Variants in PCGF6 observed in about 807,000 individuals in gnomAD.
PCGF6 encodes polycomb group RING finger protein 6.
A neutral mutation model predicts 45.5 loss-of-function variants in PCGF6; 24 were observed. The observed-to-expected ratio is 0.53, with a 90% CI of 0.38 to 0.74. The LOEUF is 0.74. PCGF6 is among the 30% of genes least tolerant of loss of function. The pLI is 0.00. For synonymous variants in PCGF6, 152 were observed against 162.1 expected (o/e 0.94, Z 0.47); for missense variants, 356 against 443.2 (o/e 0.80, Z 1.77).
chr10:103,347,084 A>C (rs1234178246), intron 5 of PCGF6, among the ~76,000 whole-genome samples, 154 bp downstream of exon 5: 1 of 152,154 alleles, frequency 6.6e-6, no homozygotes, highest in African/African-American at 2.4e-5. Flanking sequence ...GCAATCTCTA[A>C]TTTTTATAAA....
chr10:103,315,396 G>C (rs2093171183), intron 8 of PCGF6, among the ~76,000 whole-genome samples: 1 of 152,148 alleles, frequency 6.6e-6, no homozygotes, highest in African/African-American at 2.4e-5. Context: ...GTCTCGCTCT[G>C]TCGCCCAGGC....
intron 6 of PCGF6, among the ~76,000 whole-genome samples, chr10:103,340,917 T>C (rs1436123498): frequency 2.0e-5 from 3 of 152,156 alleles, no homozygotes; most frequent in African/African-American, 7.2e-5. Flanking sequence ...AAATAATTTT[T>C]TAAAATTTAA....
intron 1 of PCGF6, 22 bp downstream of exon 1, chr10:103,350,685 G>C: frequency 6.9e-7 from 1 of 1,457,884 alleles, no homozygotes; most frequent in East Asian, 2.7e-5. Context: ...GCCCAGCGGG[G>C]TCGCGCGGGG....
At chr10:103,329,320 G>A (rs891383827) in intron 7 of PCGF6, among the ~76,000 whole-genome samples, 5 of 152,138 alleles carry the variant, frequency 3.3e-5, no homozygotes, top group African/African-American at 9.7e-5. Context: ...GATTACAGGC[G>A]TGAGCCACCG....
intron 6 of PCGF6, 98 bp downstream of exon 6, chr10:103,344,926 G>A: frequency 1.3e-6 from 1 of 755,522 alleles, no homozygotes; most frequent in South Asian, 2.0e-5. Flanking sequence ...TTTTCCAAGG[G>A]GATGTCAGAA....
At chr10:103,341,806 T>G (rs1033851072) in intron 6 of PCGF6, among the ~76,000 whole-genome samples, 3 of 152,166 alleles carry the variant, frequency 2.0e-5, no homozygotes, top group African/African-American at 7.2e-5. Context: ...AGCCTTCTTT[T>G]GATTAGTATG....
chr10:103,305,268 C>T (rs2133550388), intron 9 of PCGF6, among the ~76,000 whole-genome samples: 1 of 151,750 alleles, frequency 6.6e-6, no homozygotes, highest in African/African-American at 2.4e-5. Context: ...GGCACGCATC[C>T]AGCCCAGACT....
chr10:103,335,465 G>A (rs1306968672), intron 6 of PCGF6, among the ~76,000 whole-genome samples: 52 of 151,706 alleles, frequency 3.4e-4, no homozygotes, highest in Admixed American at 3.4e-3. Context: ...GGGTTCAAGC[G>A]ATTCTCTTTG....
At chr10:103,347,175 C>A in intron 5 of PCGF6, 63 bp downstream of exon 5, 2 of 1,290,854 alleles carry the variant, frequency 1.5e-6, no homozygotes, top group Non-Finnish European at 2.2e-6. Context: ...CTTCAAAGGG[C>A]ATATATTTTA....
intron 6 of PCGF6, 68 bp downstream of exon 6, chr10:103,344,956 T>A (rs1319970638): frequency 9.4e-7 from 1 of 1,062,086 alleles, no homozygotes; most frequent in African/African-American, 1.6e-5. Flanking sequence ...TTACCTGAGT[T>A]CACAATGATT....
At chr10:103,331,424 A>T in intron 7 of PCGF6, among the ~76,000 whole-genome samples, 1 of 151,900 alleles carries the variant, frequency 6.6e-6, no homozygotes, top group Non-Finnish European at 1.5e-5. Context: ...CGCCTGGCTA[A>T]TTTTTGTATT....
At chr10:103,335,616 C>A (rs1394970611) in intron 6 of PCGF6, among the ~76,000 whole-genome samples, 1 of 151,956 alleles carries the variant, frequency 6.6e-6, no homozygotes, top group African/African-American at 2.4e-5. Context: ...CCACCTTGGC[C>A]TCCCAAAGTG....
intron 3 of PCGF6, among the ~76,000 whole-genome samples, chr10:103,348,102 A>G (rs1370007615): frequency 1.3e-5 from 2 of 152,158 alleles, no homozygotes; most frequent in Non-Finnish European, 2.9e-5. Flanking sequence ...CAGTTGTTTC[A>G]GGTATTACTT....
intron 8 of PCGF6, among the ~76,000 whole-genome samples, chr10:103,322,649 C>T (rs1429932267): frequency 6.6e-6 from 1 of 151,930 alleles, no homozygotes; most frequent in Non-Finnish European, 1.5e-5. Flanking sequence ...GATGAAACCC[C>T]ATCTCTACTA....
chr10:103,333,487 C>G (rs973716489), intron 7 of PCGF6, among the ~76,000 whole-genome samples: 1 of 152,086 alleles, frequency 6.6e-6, no homozygotes, highest in Non-Finnish European at 1.5e-5. Flanking sequence ...CCTGTGATTT[C>G]GGAATCTTTA....
rs1564728666 is a variant in PCGF6, at chr10:103,326,482, G to A, written c.909+52C>T. The A allele has an allele frequency of 8.6e-6, 10 of 1,169,146 alleles. No individual in the cohort carries two copies. The East Asian group carries it at 2.0e-4, about 23-fold the overall frequency. 72.4% of individuals were successfully genotyped at this position (1,169,146 alleles called of 1,614,324 possible). A position where few individuals can be genotyped will look rare whatever the true frequency, so the allele number is the denominator to read the frequency against. ...TCCTACAGAGTTCTTTCTACAGTGTGCTAAAGGTAAGCTCACAACTTTACC... is the reference window on the plus strand; with the variant it reads ...TCCTACAGAGTTCTTTCTACAGTGTACTAAAGGTAAGCTCACAACTTTACC... On this transcript the variant is annotated intron_variant, in intron 8 of 9. Coordinates refer to ENST00000369847, the MANE Select transcript of PCGF6 (RefSeq NM_001011663.2).
Position 103,348,827 on chromosome 10 carries a change from T to C in PCGF6, c.461-15A>G, listed in dbSNP as rs996198984. On this transcript the variant is annotated splice_polypyrimidine_tract_variant and intron_variant, in intron 2 of 9. Transcript: ENST00000369847. ...GCTTTTACAAACTGTTGAAAAAGAA[T>C]GTTGAAGTCAGGATGCTTTCAAGAC... 7 of 1,607,054 alleles carry C rather than the reference T, an allele frequency of 4.4e-6. No homozygotes were observed. Among genetic ancestry groups the C allele is most frequent in the Admixed American group, 1.7e-5 (1 of 58,814 alleles).
Position 103,348,032 on chromosome 10 carries a change from C to G in PCGF6, c.558-582G>C, listed in dbSNP as rs1436796442. The stretch of plus-strand genomic sequence containing the variant: ...CCTCTCTTAAGAAACTGAGTATGAA[C>G]TGGAAATTTGAATAATAAGCCACAA... On this transcript the variant is annotated intron_variant, in intron 3 of 9. Transcript: ENST00000369847. Among the ~76,000 whole-genome samples, 5 of 152,094 alleles carry G rather than the reference C, an allele frequency of 3.3e-5. No individual in the cohort carries two copies. The East Asian group carries it at 7.7e-4, about 23-fold the overall frequency.
At chr10:103,327,509 T>C (rs1367028163) in intron 7 of PCGF6, among the ~76,000 whole-genome samples, 2 of 152,158 alleles carry the variant, frequency 1.3e-5, no homozygotes, top group African/African-American at 4.8e-5. Flanking sequence ...CAAGGGATTA[T>C]CATTAATTTA....
Sources: gnomAD v4.1 joint callset for allele counts (sites outside exome capture counted in the v4.1 genomes callset) on GRCh38, gnomAD v4.1.1 for gene constraint, MANE v1.5 for transcripts, NCBI Gene and HGNC (gene_info 2026-07-23, HGNC 2026-07-21) for gene names.